The following SPATA3 variants were observed in gnomAD, a reference collection of about 807,000 sequenced individuals.
SPATA3 encodes spermatogenesis associated 3.
Under a neutral mutation model 5.7 loss-of-function variants are expected in SPATA3, and 6 were observed. The observed-to-expected ratio is 1.06, with a 90% CI of 0.58 to 2.09. SPATA3 has a LOEUF of 2.09. Ranked by LOEUF, SPATA3 falls within the 30% of genes most tolerant of loss-of-function variation. SPATA3 has a pLI of 0.00. For synonymous variants in SPATA3, 44 were observed against 48.4 expected, an observed-to-expected ratio of 0.91 and a Z score of 0.37; for missense variants, 155 against 130.4, an observed-to-expected ratio of 1.19 and a Z score of -0.92.
intron 2 of SPATA3, among the ~76,000 whole-genome samples, 197 bp from the exon 3 acceptor site, chr2:231,002,487 G>A (rs540721179): frequency 3.2e-4 from 49 of 152,250 alleles, no homozygotes; most frequent in Middle Eastern, 3.4e-3. Flanking sequence ...CTCACCCTCC[G>A]ATCCTCAGGG....
intron 1 of SPATA3, among the ~76,000 whole-genome samples, chr2:230,997,813 C>A (rs1218068842): frequency 6.6e-6 from 1 of 152,190 alleles, no homozygotes; most frequent in African/African-American, 2.4e-5. Context: ...ATGGTGATAG[C>A]AAACTAACAT....
intron 6 of SPATA3, among the ~76,000 whole-genome samples, chr2:231,016,813 T>C (rs1017460476): frequency 6.6e-6 from 1 of 152,082 alleles, no homozygotes; most frequent in African/African-American, 2.4e-5. Context: ...CCCTCTCCTC[T>C]CTCCTCTCAG....
downstream of SPATA3, among the ~76,000 whole-genome samples, chr2:231,005,367 TCATCACCACCATCAC>T (rs1692559317): frequency 2.2e-5 from 1 of 46,002 alleles, no homozygotes; most frequent in African/African-American, 8.0e-5. Context: ...ACCACCACCA[TCATCACCACCATCAC>T]CACCACCATC....
Position 231,000,390 on chromosome 2 carries a change from A to T in SPATA3, c.815A>T (p.His272Leu), listed in dbSNP as rs1362416793. The T allele has an allele frequency of 1.3e-6, 2 of 1,525,596 alleles. No homozygotes were observed. The highest frequency in any genetic ancestry group is 2.5e-5 in the East Asian group (1 of 39,942). 94.5% of individuals were successfully genotyped at this position (1,525,596 alleles called of 1,614,324 possible). A position where few individuals can be genotyped will look rare whatever the true frequency, so the allele number is the denominator to read the frequency against. The stretch of plus-strand genomic sequence containing the variant: ...GGGCCTCTGATTCGCGCCGGCCCGC[A>T]TTCCTGCTCCTGTGCCACTTGCCCC... Residue 272 changes from histidine to leucine, a missense_variant, in exon 2 of 3, where the codon CAT (histidine) becomes CTT (leucine). Physicochemically the swap from His to Leu is moderately conservative, Grantham distance 99. Coordinates refer to ENST00000645363, the Ensembl canonical transcript of SPATA3.
chr2:231,007,627 G>A (rs547754980), downstream of SPATA3, among the ~76,000 whole-genome samples: 1 of 152,358 alleles, frequency 6.6e-6, no homozygotes, highest in South Asian at 2.1e-4. Context: ...CTGCACCCCA[G>A]AGGACAGAGG....
At chr2:231,000,240 C>G in intron 1 of SPATA3, 126 bp from the exon 2 acceptor site, 1 of 875,120 alleles carries the variant, frequency 1.1e-6, no homozygotes, top group Non-Finnish European at 1.6e-6. Context: ...AAAAATCCAG[C>G]GTTCGCCCTG....
chr2:231,017,150 G>A (rs2125126878), intron 6 of SPATA3, among the ~76,000 whole-genome samples: 1 of 152,300 alleles, frequency 6.6e-6, no homozygotes, highest in South Asian at 2.1e-4. Flanking sequence ...ATATTAGTTA[G>A]ACCCATTTAC....
At chr2:231,007,010 A>C (rs570839976), downstream of SPATA3, among the ~76,000 whole-genome samples, 1 of 152,280 alleles carries the variant, frequency 6.6e-6, no homozygotes, top group South Asian at 2.1e-4. Context: ...GGCGCCTGGC[A>C]AAAGGCATTA....
At chr2:231,014,426 A>T (rs1228871979) in intron 6 of SPATA3, among the ~76,000 whole-genome samples, 2 of 152,184 alleles carry the variant, frequency 1.3e-5, no homozygotes, top group African/African-American at 2.4e-5. Context: ...AGTAGTTTCT[A>T]ATAAACTGTT....
At chr2:230,997,300 T>A (rs150291351) in intron 1 of SPATA3, among the ~76,000 whole-genome samples, 1 of 152,238 alleles carries the variant, frequency 6.6e-6, no homozygotes, top group Non-Finnish European at 1.5e-5. Context: ...TCTTCTCTTG[T>A]CTGCCGCCAT....
chr2:231,016,506 CA>C (rs749712082), intron 6 of SPATA3, among the ~76,000 whole-genome samples: 5,511 of 70,052 alleles, frequency 0.079, 241 homozygotes, highest in South Asian at 0.27. Flanking sequence ...CCTGTCTCTA[CA>C]AAAAAAAAAA....
At chr2:231,000,312 C>T in intron 1 of SPATA3, 54 bp from the exon 2 acceptor site, 4 of 1,392,606 alleles carry the variant, frequency 2.9e-6, no homozygotes, top group Non-Finnish European at 3.8e-6. Flanking sequence ...GACTCCCCCG[C>T]CCCAGCCTCC....
downstream of SPATA3, among the ~76,000 whole-genome samples, chr2:231,005,998 TA>T (rs1186135253): frequency 4.2e-5 from 2 of 47,382 alleles, no homozygotes; most frequent in Non-Finnish European, 7.8e-5. Context: ...ACCTTGTCTC[TA>T]CAAAAAAAAA....
At chr2:231,014,088 T>C (rs375423550) in exon 6 of SPATA3, 4 of 152,268 alleles carry the variant, frequency 2.6e-5, no homozygotes, top group African/African-American at 9.6e-5. Context: ...ACACCCTTCA[T>C]CACAAGATGT....
At chr2:231,013,353 A>T (rs1302061090) in intron 5 of SPATA3, among the ~76,000 whole-genome samples, 1 of 152,186 alleles carries the variant, frequency 6.6e-6, no homozygotes, top group Non-Finnish European at 1.5e-5. Context: ...TAATATTTTA[A>T]ACCTAAATCA....
At chr2:230,996,446 C>T (rs1427409033) in intron 1 of SPATA3, 2 of 1,552,384 alleles carry the variant, frequency 1.3e-6, no homozygotes, top group Non-Finnish European at 1.7e-6. Context: ...CATTCCAAGC[C>T]CTTCCAGCAC....
At chr2:231,005,714 C>A (rs1472571226), downstream of SPATA3, among the ~76,000 whole-genome samples, 1 of 151,612 alleles carries the variant, frequency 6.6e-6, no homozygotes, top group Non-Finnish European at 1.5e-5. Context: ...TCTGCACATC[C>A]CTTCAATTAA....
intron 1 of SPATA3, among the ~76,000 whole-genome samples, chr2:230,998,552 C>T (rs1344605295): frequency 6.6e-6 from 1 of 152,222 alleles, no homozygotes; most frequent in Non-Finnish European, 1.5e-5. Context: ...ACACCCTATA[C>T]TTCTTCCAAA....
chr2:231,014,082 C>G (rs559742882), exon 6 of SPATA3: 4 of 151,962 alleles, frequency 2.6e-5, no homozygotes, highest in Non-Finnish European at 5.9e-5. Flanking sequence ...GGTTAGACAC[C>G]CTTCATCACA....
Sources: allele counts gnomAD v4.1 joint callset (sites outside exome capture counted in the v4.1 genomes callset), GRCh38; gene constraint gnomAD v4.1.1; transcripts MANE v1.5; gene names NCBI Gene and HGNC (gene_info 2026-07-23, HGNC 2026-07-21).